SCP2: variants seen among roughly 807,000 people sequenced by gnomAD.
SCP2 encodes the protein SCP-2/3-oxoacyl-CoA thiolase.
In SCP2, 48 loss-of-function variants were observed where a neutral mutation model predicts 71.4. The ratio of observed to expected loss-of-function variants is 0.67; its 90% CI spans 0.53 to 0.86. The LOEUF (loss-of-function observed/expected upper bound fraction) is 0.86. Ranked by LOEUF, SCP2 falls within the 40% of genes least tolerant of loss-of-function variation. The pLI is 0.00. For missense variants in SCP2, 560 were observed against 655.6 expected (o/e 0.85, Z 1.59); for synonymous variants, 220 against 218.1 (o/e 1.01, Z -0.08).
chr1:53,047,791 G>T, intron 14 of SCP2, 67 bp from the exon 15 acceptor site: 1 of 1,150,080 alleles, frequency 8.7e-7, no homozygotes, highest in South Asian at 1.2e-5. Context: ...AGTGGCTCTT[G>T]ACAAAAATGT....
At chr1:52,967,191 A>G (rs1156798737) in intron 6 of SCP2, among the ~76,000 whole-genome samples, 3 of 151,326 alleles carry the variant, frequency 2.0e-5, no homozygotes, top group African/African-American at 7.3e-5. Flanking sequence ...CTCCTCAATT[A>G]AAAAAAAAGA....
intron 4 of SCP2, among the ~76,000 whole-genome samples, chr1:52,953,422 C>T (rs985342187): frequency 6.6e-6 from 1 of 152,086 alleles, no homozygotes; most frequent in Non-Finnish European, 1.5e-5. Flanking sequence ...CTCCTGCCAC[C>T]TGTGCCTCTT....
intron 15 of SCP2, chr1:53,049,364 T>C (rs975774349): frequency 1.3e-5 from 2 of 152,250 alleles, no homozygotes; most frequent in Non-Finnish European, 1.5e-5. Context: ...TTTCTATTAA[T>C]GTGCTAATGG....
chr1:52,993,833 T>C, intron 11 of SCP2: 1 of 1,511,652 alleles, frequency 6.6e-7, no homozygotes, highest in East Asian at 2.4e-5. Context: ...TCTGTCATTC[T>C]CATGCATTTA....
At chr1:52,946,906 A>G (rs1266175242) in intron 2 of SCP2, among the ~76,000 whole-genome samples, 1 of 151,492 alleles carries the variant, frequency 6.6e-6, no homozygotes, top group African/African-American at 2.4e-5. Context: ...AAAACACAAA[A>G]AGTAGTGTGG....
chr1:52,961,745 GT>G (rs1244049229), intron 6 of SCP2, 116 bp downstream of exon 6: 2 of 944,334 alleles, frequency 2.1e-6, no homozygotes, highest in African/African-American at 3.3e-5. Flanking sequence ...GATGTAAAAT[GT>G]TTTTTGAATT....
chr1:53,044,696 A>G (rs1031746153), intron 14 of SCP2, among the ~76,000 whole-genome samples: 1 of 152,216 alleles, frequency 6.6e-6, no homozygotes, highest in Non-Finnish European at 1.5e-5. Flanking sequence ...GGAGGAGCCA[A>G]CTGTTAGAAT....
intron 14 of SCP2, among the ~76,000 whole-genome samples, chr1:53,042,761 G>T (rs1317318223): frequency 6.6e-6 from 1 of 151,984 alleles, no homozygotes; most frequent in Non-Finnish European, 1.5e-5. Context: ...AATGTTAGGG[G>T]GTTTGTTTAT....
intron 15 of SCP2, chr1:53,049,634 T>C (rs901610080): frequency 1.3e-5 from 2 of 152,228 alleles, no homozygotes; most frequent in Non-Finnish European, 2.9e-5. Flanking sequence ...TACTGGTCCG[T>C]ATTTTTAAAT....
chr1:52,959,386 G>C (rs1435559610), intron 5 of SCP2, among the ~76,000 whole-genome samples: 1 of 151,768 alleles, frequency 6.6e-6, no homozygotes, highest in East Asian at 1.9e-4. Context: ...GTAGAGACAG[G>C]GTTTCTCCAT....
At chr1:52,934,120 G>C (rs1185218650) in intron 1 of SCP2, among the ~76,000 whole-genome samples, 3 of 152,132 alleles carry the variant, frequency 2.0e-5, no homozygotes, top group Admixed American at 1.3e-4. Flanking sequence ...TTACTTGAGA[G>C]AACAAATGGC....
At chr1:53,025,074 A>T (rs72903119) in intron 12 of SCP2, among the ~76,000 whole-genome samples, 15,152 of 152,036 alleles carry the variant, frequency 0.1, 1,473 homozygotes, top group African/African-American at 0.22. Flanking sequence ...TCAATTCACT[A>T]TAATCTGACT....
chr1:53,050,371 T>G (rs1363181811), intron 15 of SCP2: 12 of 458,012 alleles, frequency 2.6e-5, no homozygotes, highest in Non-Finnish European at 4.4e-5. Flanking sequence ...AGGCTCAATT[T>G]CTATGAGAAA....
chr1:52,974,831 C>G lies in SCP2; in HGVS notation c.586C>G (p.Pro196Ala). 1 of 1,415,204 alleles carries G rather than the reference C, an allele frequency of 7.1e-7. No individual in the cohort carries two copies. The highest frequency in any genetic ancestry group is 1.0e-6 in the Non-Finnish European group (1 of 998,902). The allele number at this position is 1,415,204 out of a possible 1,614,324, so 87.7% of individuals were successfully genotyped here. ...AAATCATAAACATTCAGTTAATAAC[C>G]CGTAAGTATTTCAGAGACATGAAAT... is the stretch of plus-strand genomic sequence containing the variant. The part of the protein sequence containing the change: ...WKNHKHSVNN[P>A]YSQFQDEYSL... Residue 196 changes from proline (P) to alanine (A), a missense_variant and splice_region_variant, in exon 7 of 16, where the codon CCG becomes GCG. Coordinates refer to ENST00000371514, the MANE Select transcript of SCP2 (RefSeq NM_002979.5).
intron 2 of SCP2, 142 bp downstream of exon 2, chr1:52,941,995 C>T: frequency 1.3e-5 from 9 of 671,376 alleles, no homozygotes; most frequent in South Asian, 1.3e-4. Context: ...TCTAGTGACT[C>T]ACTACAAAGG....
chr1:53,028,111 G>C (rs2150246166), intron 13 of SCP2, 40 bp downstream of exon 13: 1 of 1,128,862 alleles, frequency 8.9e-7, no homozygotes, highest in East Asian at 2.4e-5. Flanking sequence ...GGACCTTGAG[G>C]CTAGAGGAAG....
intron 1 of SCP2, among the ~76,000 whole-genome samples, chr1:52,929,571 AG>A (rs1298587985): frequency 6.6e-6 from 1 of 151,898 alleles, no homozygotes; most frequent in African/African-American, 2.4e-5. Context: ...CAGCCTCCCA[AG>A]TAGGTGGGAT....
intron 11 of SCP2, among the ~76,000 whole-genome samples, chr1:53,004,291 A>G (rs1660492119): frequency 6.6e-6 from 1 of 152,214 alleles, no homozygotes; most frequent in Non-Finnish European, 1.5e-5. Context: ...GGTAACTGAA[A>G]CTGTGGAAAG....
In SCP2 at chr1:52,976,664, A is replaced by T. The variant is rs1244905800; in HGVS notation, c.588-19A>T. 4 of 1,212,970 alleles carry T rather than the reference A, an allele frequency of 3.3e-6. No homozygotes were observed. Among genetic ancestry groups the T allele is most frequent in the Non-Finnish European group, 4.9e-6 (4 of 814,906 alleles). The allele number at this position is 1,212,970 out of a possible 1,614,324, so 75.1% of individuals were successfully genotyped here. A position where few individuals can be genotyped will look rare whatever the true frequency, so the allele number is the denominator to read the frequency against. ...GTTGCTATCTCACATTCTGTAACTA[A>T]TATTTATTTTGTATTTAGGTATTCC... On this transcript the variant is annotated intron_variant, in intron 7 of 15. Coordinates refer to ENST00000371514, the MANE Select transcript of SCP2 (RefSeq NM_002979.5).
Sources: allele counts gnomAD v4.1 joint callset (sites outside exome capture counted in the v4.1 genomes callset), GRCh38; gene constraint gnomAD v4.1.1; transcripts MANE v1.5; gene names NCBI Gene and HGNC (gene_info 2026-07-23, HGNC 2026-07-21).